Variants in KCNJ6 observed in about 807,000 individuals in gnomAD.
The protein encoded by KCNJ6 is G protein-activated inward rectifier potassium channel 2.
Under a neutral mutation model 34.2 loss-of-function variants are expected in KCNJ6, and 9 were observed. That is an observed-to-expected ratio of 0.26 (90% CI 0.16 to 0.46). The LOEUF is 0.46. Among genes scored for constraint, KCNJ6 ranks in the 20% least tolerant of loss-of-function variants. KCNJ6 has a pLI of 1.00. For synonymous variants in KCNJ6, 196 were observed against 207.1 expected, an observed-to-expected ratio of 0.95 and a Z score of 0.46; for missense variants, 236 against 531.3, an observed-to-expected ratio of 0.44 and a Z score of 5.46.
intron 3 of KCNJ6, among the ~76,000 whole-genome samples, chr21:37,713,664 CT>C (rs1298101886): frequency 6.6e-6 from 1 of 152,150 alleles, no homozygotes; most frequent in East Asian, 1.9e-4. Flanking sequence ...TTTACTGTGT[CT>C]GCAGCTTTAT....
At chr21:37,854,073 CTAAGCCT>C (rs2055552397) in intron 1 of KCNJ6, among the ~76,000 whole-genome samples, 1 of 150,198 alleles carries the variant, frequency 6.7e-6, no homozygotes, top group Non-Finnish European at 1.5e-5. Context: ...AATGGCCAAC[CTAAGCCT>C]TAACATGCTA....
At chr21:37,812,341 A>AT (rs1184858486) in intron 2 of KCNJ6, among the ~76,000 whole-genome samples, 1 of 152,094 alleles carries the variant, frequency 6.6e-6, no homozygotes, top group Non-Finnish European at 1.5e-5. Flanking sequence ...GAGAGTCCCT[A>AT]TTTTCTAGAA....
Position 37,653,152 on chromosome 21 carries a change from A to T in KCNJ6, c.947-27668T>A, listed in dbSNP as rs1408487205. ...TCTAGGGCTGACATTTTCTCCAGTGATGCAACAACAACAACAGCAACACAA... is the reference window on the plus strand; with the variant it reads ...TCTAGGGCTGACATTTTCTCCAGTGTTGCAACAACAACAACAGCAACACAA... On this transcript the variant is annotated intron_variant, in intron 3 of 3. Coordinates refer to ENST00000609713, the MANE Select transcript of KCNJ6 (RefSeq NM_002240.5). Among the ~76,000 whole-genome samples the T allele has an allele frequency of 7.9e-5, 12 of 152,312 alleles. No homozygotes were observed. The South Asian group carries it at 8.3e-4, about 11-fold the overall frequency.
At chr21:37,674,034 C>T (rs184660405) in intron 3 of KCNJ6, among the ~76,000 whole-genome samples, 4 of 152,306 alleles carry the variant, frequency 2.6e-5, no homozygotes, top group African/African-American at 9.6e-5. Context: ...GTCTAACTGC[C>T]CTCTAGCCAG....
At chr21:37,874,834 A>G (rs558894714) in intron 1 of KCNJ6, among the ~76,000 whole-genome samples, 1 of 152,226 alleles carries the variant, frequency 6.6e-6, no homozygotes, top group South Asian at 2.1e-4. Flanking sequence ...CAATCCAAGC[A>G]CGGCTCCACC....
chr21:37,801,231 G>T (rs968924422), intron 2 of KCNJ6, among the ~76,000 whole-genome samples: 27 of 152,180 alleles, frequency 1.8e-4, no homozygotes, highest in African/African-American at 6.3e-4. Flanking sequence ...CCCGATTTTT[G>T]GCTTCATTTA....
In KCNJ6 at chr21:37,618,384, T is replaced by G. The variant is rs2054280139; in HGVS notation, c.*6775A>C. ...AGGCTCCTGGAAGACCTTGCCCTTT[T>G]GCTTGAATGTTTTGTGATTTCTATC... On this transcript the variant is annotated 3_prime_UTR_variant, in exon 4 of 4. Transcript: ENST00000609713. 6.6e-6 allele frequency: 1 copy of G among 152,228 alleles called. No homozygotes were observed. The highest frequency in any genetic ancestry group is 6.5e-5 in the Admixed American group (1 of 15,284). The allele number at this position is 152,228 out of a possible 1,614,324, so 9.4% of individuals were successfully genotyped here. A position where few individuals can be genotyped will look rare whatever the true frequency, so the allele number is the denominator to read the frequency against.
intron 3 of KCNJ6, among the ~76,000 whole-genome samples, chr21:37,673,197 A>G (rs992293830): frequency 1.3e-5 from 2 of 152,218 alleles, no homozygotes; most frequent in African/African-American, 4.8e-5. Context: ...CAGAGGCTGG[A>G]GGAAGAGGGT....
At chr21:37,743,181 A>G (rs2054949633) in intron 2 of KCNJ6, among the ~76,000 whole-genome samples, 2 of 152,168 alleles carry the variant, frequency 1.3e-5, no homozygotes, top group South Asian at 4.1e-4. Flanking sequence ...CTTCAAGGTA[A>G]GCAACTATGC....
At chr21:37,708,351 C>A (rs574513774) in intron 3 of KCNJ6, among the ~76,000 whole-genome samples, 4 of 152,262 alleles carry the variant, frequency 2.6e-5, no homozygotes, top group African/African-American at 9.6e-5. Flanking sequence ...AACACAGTGT[C>A]CCCAAGCTGT....
intron 1 of KCNJ6, among the ~76,000 whole-genome samples, chr21:37,912,310 C>T (rs928786736): frequency 3.9e-5 from 6 of 152,106 alleles, no homozygotes; most frequent in African/African-American, 1.4e-4. Flanking sequence ...AATTAGCCAC[C>T]TAGGAAGAAA....
At chr21:37,642,819 T>G (rs1453864029) in intron 3 of KCNJ6, among the ~76,000 whole-genome samples, 1 of 152,026 alleles carries the variant, frequency 6.6e-6, no homozygotes, top group Non-Finnish European at 1.5e-5. Context: ...TTTAAAAACT[T>G]TCTACTAAAA....
At chr21:37,719,805 C>T (rs1398839998) in intron 2 of KCNJ6, among the ~76,000 whole-genome samples, 1 of 152,168 alleles carries the variant, frequency 6.6e-6, no homozygotes, top group Non-Finnish European at 1.5e-5. Context: ...CTGGGCGGAG[C>T]CTTGTCCTCG....
intron 1 of KCNJ6, among the ~76,000 whole-genome samples, chr21:37,852,316 C>A (rs562635345): frequency 5.7e-4 from 87 of 152,290 alleles, no homozygotes; most frequent in Middle Eastern, 6.8e-3. Context: ...TCCCCAGAGC[C>A]ACAGGGGAGG....
intron 2 of KCNJ6, among the ~76,000 whole-genome samples, chr21:37,790,194 CT>C (rs774052079): frequency 1.3e-5 from 2 of 152,132 alleles, no homozygotes; most frequent in Admixed American, 6.5e-5. Context: ...AATCTTAGTG[CT>C]TTTTGGGGCA....
chr21:37,885,450 C>T (rs936440190), intron 1 of KCNJ6, among the ~76,000 whole-genome samples: 1 of 152,214 alleles, frequency 6.6e-6, no homozygotes, highest in African/African-American at 2.4e-5. Context: ...AGAAGAGATA[C>T]AATTAAGATT....
At chr21:37,834,963 T>C (rs1486038047) in intron 2 of KCNJ6, among the ~76,000 whole-genome samples, 2 of 152,180 alleles carry the variant, frequency 1.3e-5, no homozygotes, top group Non-Finnish European at 2.9e-5. Context: ...CTCTGCTCCA[T>C]GTGGATGTGT....
intron 2 of KCNJ6, among the ~76,000 whole-genome samples, chr21:37,734,328 C>T (rs1393619569): frequency 6.6e-6 from 1 of 152,074 alleles, no homozygotes; most frequent in African/African-American, 2.4e-5. Flanking sequence ...CTCTGCTCTA[C>T]TAGTTTGTGC....
chr21:37,781,816 GC>G (rs1426829785), intron 2 of KCNJ6, among the ~76,000 whole-genome samples: 2 of 152,056 alleles, frequency 1.3e-5, no homozygotes, highest in Admixed American at 1.3e-4. Flanking sequence ...ACAGTTCAAA[GC>G]CCGGTATTGT....
Sources: gnomAD v4.1 joint callset for allele counts (sites outside exome capture counted in the v4.1 genomes callset) on GRCh38, gnomAD v4.1.1 for gene constraint, MANE v1.5 for transcripts, NCBI Gene and HGNC (gene_info 2026-07-23, HGNC 2026-07-21) for gene names.